Variants in GRIK4 observed in about 807,000 individuals in gnomAD.
The protein encoded by GRIK4 is glutamate ionotropic receptor kainate type subunit 4.
A neutral mutation model predicts 104.9 loss-of-function variants in GRIK4; 40 were observed. That is an observed-to-expected ratio of 0.38 (90% confidence interval 0.30 to 0.50). The LOEUF is 0.50. GRIK4 is among the 20% of genes least tolerant of loss of function. The pLI is 0.93. For missense variants in GRIK4, 1,047 were observed against 1,308.1 expected, an observed-to-expected ratio of 0.80 and a Z score of 3.08; for synonymous variants, 485 against 524.9, an observed-to-expected ratio of 0.92 and a Z score of 1.04.
chr11:120,677,678 A>C (rs1390552206), intron 3 of GRIK4, among the ~76,000 whole-genome samples: 2 of 152,244 alleles, frequency 1.3e-5, no homozygotes, highest in Non-Finnish European at 2.9e-5. Flanking sequence ...GTGCTGAGAC[A>C]TCAGCTCTGG....
At chr11:120,793,978 G>C (rs1040965671) in intron 3 of GRIK4, among the ~76,000 whole-genome samples, 4 of 150,968 alleles carry the variant, frequency 2.6e-5, no homozygotes, top group Non-Finnish European at 5.9e-5. Context: ...TTAGGGCTGA[G>C]AGCCGGGTGA....
chr11:120,810,629 TAAAA>T (rs1362575733), intron 4 of GRIK4, among the ~76,000 whole-genome samples: 1 of 151,926 alleles, frequency 6.6e-6, no homozygotes, highest in African/African-American at 2.4e-5. Flanking sequence ...TTTTTATTAA[TAAAA>T]AAGGATAGAA....
rs747446882 is a variant in GRIK4 at position 120,960,892 on chromosome 11, C to T, written c.1875-17C>T. 7.5e-6 allele frequency: 12 copies of T among 1,607,596 alleles called. No homozygotes were observed. The highest frequency in any genetic ancestry group is 1.3e-5 in the African/African-American group (1 of 74,756). ...AGTGCCCGGGCAATGATGACTTCCT[C>T]GTCTTTTCCTACATAGGTGGGCATT... On this transcript the variant is annotated splice_polypyrimidine_tract_variant and intron_variant, in intron 16 of 20. Transcript: ENST00000527524.
chr11:120,749,573 A>G (rs1273116553), intron 3 of GRIK4, among the ~76,000 whole-genome samples: 1 of 152,236 alleles, frequency 6.6e-6, no homozygotes, highest in Non-Finnish European at 1.5e-5. Flanking sequence ...GGAACTCCCC[A>G]GAATGAATCA....
intron 3 of GRIK4, among the ~76,000 whole-genome samples, chr11:120,785,846 C>T (rs1183187172): frequency 6.6e-6 from 1 of 152,210 alleles, no homozygotes. Flanking sequence ...TGCTCATCCC[C>T]AGCTAACCTG....
At chr11:120,664,336 A>G (rs982502028) in intron 3 of GRIK4, among the ~76,000 whole-genome samples, 40 of 152,240 alleles carry the variant, frequency 2.6e-4, no homozygotes, top group African/African-American at 9.4e-4. Flanking sequence ...AATAAACTCA[A>G]TGACACAATT....
intron 3 of GRIK4, among the ~76,000 whole-genome samples, chr11:120,773,979 A>G (rs1234250169): frequency 6.6e-6 from 1 of 152,204 alleles, no homozygotes; most frequent in Non-Finnish European, 1.5e-5. Flanking sequence ...AAAAAGCCCC[A>G]CTGACAATGA....
At chr11:120,809,439 G>A (rs1342873137) in intron 4 of GRIK4, among the ~76,000 whole-genome samples, 6 of 152,168 alleles carry the variant, frequency 3.9e-5, no homozygotes, top group Non-Finnish European at 8.8e-5. Context: ...CTTTATAAAT[G>A]ATTTCCATCT....
chr11:120,966,341 A>G (rs1944383439), intron 18 of GRIK4, among the ~76,000 whole-genome samples: 1 of 151,286 alleles, frequency 6.6e-6, no homozygotes, highest in Admixed American at 6.6e-5. Context: ...GGTGTAATGT[A>G]GTGAGAGTTA....
chr11:120,765,313 A>G (rs1951817454), intron 3 of GRIK4, among the ~76,000 whole-genome samples: 1 of 151,782 alleles, frequency 6.6e-6, no homozygotes, highest in African/African-American at 2.4e-5. Context: ...CCATCAGGTC[A>G]TTTATGTTCT....
chr11:120,827,288 C>T lies in GRIK4; in HGVS notation c.512-4564C>T, dbSNP rs145164840. 8.4e-3 allele frequency among the ~76,000 whole-genome samples: 1,280 copies of T among 152,366 alleles called. 11 individuals are homozygous for T. The highest frequency in any genetic ancestry group is 0.013 in the Non-Finnish European group (904 of 68,038). On this transcript the variant is annotated intron_variant, in intron 6 of 20. Coordinates refer to ENST00000527524, the MANE Select transcript of GRIK4 (RefSeq NM_014619.5). ...TCCTTACCTCGACATCCTCCTCCCA[C>T]CCCTCTTGGCCCCTGCCTTCCAGTT...
chr11:120,878,485 A>G (rs2135696364), intron 11 of GRIK4, among the ~76,000 whole-genome samples: 1 of 152,198 alleles, frequency 6.6e-6, no homozygotes, highest in Admixed American at 6.5e-5. Flanking sequence ...TTTTTGAGCC[A>G]GTGTTGGATG....
intron 1 of GRIK4, among the ~76,000 whole-genome samples, chr11:120,597,481 C>G (rs988894188): frequency 3.9e-5 from 6 of 152,182 alleles, no homozygotes; most frequent in African/African-American, 1.4e-4. Flanking sequence ...TGACCGAGCC[C>G]CGGGCGCCCC....
chr11:120,816,355 C>T (rs968335450), intron 5 of GRIK4, among the ~76,000 whole-genome samples: 1 of 151,486 alleles, frequency 6.6e-6, no homozygotes, highest in African/African-American at 2.4e-5. Context: ...CAGCCAGGTC[C>T]TTAGGGGGCA....
intron 1 of GRIK4, among the ~76,000 whole-genome samples, chr11:120,608,442 T>A (rs1395398621): frequency 6.6e-6 from 1 of 152,248 alleles, no homozygotes; most frequent in African/African-American, 2.4e-5. Context: ...CCAGCCCCAC[T>A]GGCCACACTC....
At chr11:120,864,210 T>C (rs1466890678) in intron 9 of GRIK4, among the ~76,000 whole-genome samples, 16 of 11,606 alleles carry the variant, frequency 1.4e-3, no homozygotes. Flanking sequence ...TTTATTTTTA[T>C]TTATTTATTT....
intron 3 of GRIK4, among the ~76,000 whole-genome samples, chr11:120,713,288 C>T (rs929278788): frequency 3.3e-5 from 5 of 152,154 alleles, no homozygotes; most frequent in Non-Finnish European, 7.3e-5. Context: ...TGTTTGGATT[C>T]GGCCACCTGA....
intron 11 of GRIK4, among the ~76,000 whole-genome samples, chr11:120,879,596 G>C (rs1954908119): frequency 6.6e-6 from 1 of 152,186 alleles, no homozygotes; most frequent in Non-Finnish European, 1.5e-5. Flanking sequence ...TGTTCGGAGA[G>C]GGTTTTCAGT....
intron 8 of GRIK4, among the ~76,000 whole-genome samples, chr11:120,860,193 A>G (rs1954223712): frequency 2.0e-5 from 3 of 151,586 alleles, no homozygotes; most frequent in Admixed American, 6.6e-5. Flanking sequence ...ATCTGTGTGC[A>G]AGGCACTTGG....
Sources: gnomAD v4.1 joint callset for allele counts (sites outside exome capture counted in the v4.1 genomes callset) on GRCh38, gnomAD v4.1.1 for gene constraint, MANE v1.5 for transcripts, NCBI Gene and HGNC (gene_info 2026-07-23, HGNC 2026-07-21) for gene names.